LDB2: variants seen among roughly 807,000 people sequenced by gnomAD.
LDB2 encodes the protein LIM domain binding 2.
In LDB2, 12 loss-of-function variants were observed where a neutral mutation model predicts 44.3. The observed-to-expected ratio is 0.27, with a 90% CI of 0.17 to 0.44. The LOEUF is 0.44. Among genes scored for constraint, LDB2 ranks in the 20% least tolerant of loss-of-function variants. The probability of loss-of-function intolerance (pLI) is 1.00; values close to 1 mark genes in which losing one functional copy is unlikely to be tolerated. For synonymous variants in LDB2, 164 were observed against 174.8 expected, an observed-to-expected ratio of 0.94 and a Z score of 0.49; for missense variants, 344 against 473.5, an observed-to-expected ratio of 0.73 and a Z score of 2.54.
chr4:16,762,035 T>C (rs1768037436), intron 1 of LDB2, among the ~76,000 whole-genome samples: 1 of 151,438 alleles, frequency 6.6e-6, no homozygotes, highest in Non-Finnish European at 1.5e-5. Flanking sequence ...GAATAGAAAA[T>C]AGAAAAATTG....
chr4:16,677,774 C>G (rs1044346726), intron 2 of LDB2, among the ~76,000 whole-genome samples: 1 of 152,182 alleles, frequency 6.6e-6, no homozygotes, highest in Non-Finnish European at 1.5e-5. Context: ...TGGAGATAAA[C>G]TGAAACTGTT....
chr4:16,889,857 G>C (rs1320447099), intron 1 of LDB2, among the ~76,000 whole-genome samples: 1 of 152,164 alleles, frequency 6.6e-6, no homozygotes. Context: ...AAGTGATTGG[G>C]GGTTAATTTT....
At chr4:16,667,396 G>A (rs1184279889) in intron 2 of LDB2, among the ~76,000 whole-genome samples, 3 of 152,140 alleles carry the variant, frequency 2.0e-5, no homozygotes, top group Non-Finnish European at 4.4e-5. Flanking sequence ...CATGGGCAAT[G>A]TGCCATTATC....
At chr4:16,854,833 A>G (rs146922395) in intron 1 of LDB2, among the ~76,000 whole-genome samples, 1 of 152,144 alleles carries the variant, frequency 6.6e-6, no homozygotes, top group African/African-American at 2.4e-5. Context: ...AGCACATTTC[A>G]TACACTGTGG....
intron 5 of LDB2, among the ~76,000 whole-genome samples, chr4:16,543,108 C>CTTTT (rs1162561650): frequency 2.0e-5 from 3 of 152,008 alleles, no homozygotes; most frequent in African/African-American, 7.3e-5. Context: ...TGAATTCATC[C>CTTTT]TTTTTATGGC....
chr4:16,567,648 T>C (rs1421636151), intron 5 of LDB2, among the ~76,000 whole-genome samples: 2 of 152,040 alleles, frequency 1.3e-5, no homozygotes, highest in African/African-American at 2.4e-5. Context: ...CGGGCGCCTG[T>C]AGTCCCAGCT....
intron 1 of LDB2, among the ~76,000 whole-genome samples, chr4:16,862,041 G>T (rs1370713879): frequency 1.3e-5 from 2 of 152,104 alleles, no homozygotes; most frequent in Non-Finnish European, 2.9e-5. Context: ...TCCCATACAA[G>T]GTTGTGAGAA....
chr4:16,671,245 G>A (rs1372072006), intron 2 of LDB2, among the ~76,000 whole-genome samples: 4 of 152,064 alleles, frequency 2.6e-5, no homozygotes, highest in East Asian at 1.9e-4. Context: ...AGCATCGTTC[G>A]TCAAGTGTAT....
chr4:16,846,540 G>C (rs1389781357), intron 1 of LDB2, among the ~76,000 whole-genome samples: 1 of 152,164 alleles, frequency 6.6e-6, no homozygotes, highest in Non-Finnish European at 1.5e-5. Flanking sequence ...TTTGAAGGAT[G>C]TTTTGTTACC....
chr4:16,765,474 G>A (rs181654897), intron 1 of LDB2, among the ~76,000 whole-genome samples: 9 of 152,286 alleles, frequency 5.9e-5, no homozygotes, highest in Non-Finnish European at 8.8e-5. Flanking sequence ...AATCCCAATA[G>A]AGCGTATATG....
intron 1 of LDB2, among the ~76,000 whole-genome samples, chr4:16,887,557 A>G (rs1180070518): frequency 3.3e-5 from 5 of 152,156 alleles, no homozygotes; most frequent in African/African-American, 4.8e-5. Flanking sequence ...TGTATTTCCA[A>G]TTGGTCAGTT....
At chr4:16,788,979 TG>T (rs1014029790) in intron 1 of LDB2, among the ~76,000 whole-genome samples, 3 of 152,078 alleles carry the variant, frequency 2.0e-5, no homozygotes, top group African/African-American at 7.2e-5. Context: ...ATGCATGCTA[TG>T]GGGTTTTTTT....
chr4:16,658,755 C>A (rs1353959224), intron 2 of LDB2, among the ~76,000 whole-genome samples: 2 of 152,064 alleles, frequency 1.3e-5, no homozygotes, highest in Non-Finnish European at 2.9e-5. Context: ...CCCATGTAGC[C>A]CACACTGTCT....
chr4:16,674,291 T>G (rs1484334291), intron 2 of LDB2: 1 of 1,286,918 alleles, frequency 7.8e-7, no homozygotes, highest in Admixed American at 2.3e-5. Context: ...GGTTGCAGTT[T>G]CCTCTGGCAT....
chr4:16,698,226 C>T (rs183579465), intron 2 of LDB2, among the ~76,000 whole-genome samples: 151 of 152,190 alleles, frequency 9.9e-4, no homozygotes, highest in Admixed American at 4.1e-3. Context: ...AACACTTCAC[C>T]GAACATTCTT....
intron 2 of LDB2, among the ~76,000 whole-genome samples, chr4:16,671,115 A>C (rs536291594): frequency 7.2e-5 from 9 of 125,192 alleles, no homozygotes; most frequent in African/African-American, 7.7e-5. Flanking sequence ...ATACAAAAAA[A>C]AAAAACAAAA....
intron 2 of LDB2, among the ~76,000 whole-genome samples, chr4:16,741,156 G>C (rs895663479): frequency 6.6e-6 from 1 of 152,226 alleles, no homozygotes; most frequent in Non-Finnish European, 1.5e-5. Context: ...AGCTCTGCCT[G>C]TCATTCTGGG....
At chr4:16,859,966 T>C (rs186862111) in intron 1 of LDB2, among the ~76,000 whole-genome samples, 1 of 152,334 alleles carries the variant, frequency 6.6e-6, no homozygotes, top group Admixed American at 6.5e-5. Context: ...TTACTCCTGT[T>C]GGACAGATGA....
At chr4:16,629,320 C>T (rs1429086513) in intron 2 of LDB2, among the ~76,000 whole-genome samples, 1 of 152,200 alleles carries the variant, frequency 6.6e-6, no homozygotes, top group Non-Finnish European at 1.5e-5. Flanking sequence ...AGACTGCCTC[C>T]TCAAGTGGGT....
Sources: allele counts gnomAD v4.1 joint callset (sites outside exome capture counted in the v4.1 genomes callset), GRCh38; gene constraint gnomAD v4.1.1; transcripts MANE v1.5; gene names NCBI Gene and HGNC (gene_info 2026-07-23, HGNC 2026-07-21).